TAAR5: variants seen among roughly 807,000 people sequenced by gnomAD.
TAAR5 encodes the protein trace amine associated receptor 5.
TAAR5 carries 27 observed loss-of-function variants against 21.1 expected under a neutral mutation model. The ratio of observed to expected loss-of-function variants is 1.28; its 90% CI spans 0.94 to 1.76. The LOEUF is 1.76. Among genes scored for constraint, TAAR5 ranks in the 40% most tolerant of loss-of-function variants. The pLI is 0.00. For missense variants in TAAR5, 495 were observed against 405.6 expected, an observed-to-expected ratio of 1.22 and a Z score of -1.89; for synonymous variants, 203 against 167.5, an observed-to-expected ratio of 1.21 and a Z score of -1.64.
upstream of TAAR5, among the ~76,000 whole-genome samples, chr6:132,590,997 C>T (rs1304143433): frequency 6.6e-6 from 1 of 152,116 alleles, no homozygotes; most frequent in Admixed American, 6.5e-5. Context: ...TGGTTTGTGA[C>T]TTCCACACAG....
upstream of TAAR5, among the ~76,000 whole-genome samples, chr6:132,592,671 T>A (rs1582728030): frequency 6.6e-6 from 1 of 152,208 alleles, no homozygotes; most frequent in African/African-American, 2.4e-5. Flanking sequence ...GCACCTCCCT[T>A]CTGCCTCTTC....
At chr6:132,602,708 G>A in the TAAR5 span, among the ~76,000 whole-genome samples, 6,097 of 146,888 alleles carry the variant, frequency 0.042, 262 homozygotes, top group African/African-American at 0.1. Flanking sequence ...CTTGGAATTA[G>A]GTATAGAAAA....
the TAAR5 span, among the ~76,000 whole-genome samples, chr6:132,603,878 T>C: frequency 6.6e-6 from 1 of 152,070 alleles, no homozygotes; most frequent in African/African-American, 2.4e-5. Context: ...AAATAAAATA[T>C]TAAGGGAATT....
At chr6:132,593,653 AAT>A (rs1474712367), upstream of TAAR5, among the ~76,000 whole-genome samples, 1 of 152,180 alleles carries the variant, frequency 6.6e-6, no homozygotes, top group Non-Finnish European at 1.5e-5. Flanking sequence ...GAGGATAATG[AAT>A]ATATGTACAC....
chr6:132,609,062 T>C, the TAAR5 span: 1 of 454,668 alleles, frequency 2.2e-6, no homozygotes, highest in Non-Finnish European at 4.4e-6. Flanking sequence ...GTGGTTGCCA[T>C]GGAGAGGATC....
At chr6:132,592,625 G>A (rs1776922876), upstream of TAAR5, among the ~76,000 whole-genome samples, 1 of 152,146 alleles carries the variant, frequency 6.6e-6, no homozygotes, top group Non-Finnish European at 1.5e-5. Flanking sequence ...GATAGTGAAT[G>A]AGTTATCATG....
rs145737701 is a variant in TAAR5 at position 132,589,486 on chromosome 6, C to T, written c.201G>A (p.Thr67=). 1.7e-4 allele frequency: 280 copies of T among 1,613,614 alleles called. No homozygotes were observed. Among genetic ancestry groups the T allele is most frequent in the Non-Finnish European group, 2.2e-4 (261 of 1,179,874 alleles). ...GGGAGAGCAGCAGGAAGTTGGTGGG[C>T]GTGTGAAGCGCTTTGAAGTAGGACA... ...FAVSYFKALH[T]PTNFLLLSLA... The change falls in exon 1 of 1, where the codon ACG becomes ACA. Residue 67 remains threonine, a synonymous_variant. Coordinates refer to ENST00000258034, the MANE Select transcript of TAAR5 (RefSeq NM_003967.3).
chr6:132,608,381 A>C, the TAAR5 span: 4 of 455,888 alleles, frequency 8.8e-6, no homozygotes, highest in Non-Finnish European at 1.3e-5. Flanking sequence ...GTAGAGTTGA[A>C]GTACCGGAGC....
chr6:132,599,412 T>C, the TAAR5 span, among the ~76,000 whole-genome samples: 3 of 147,118 alleles, frequency 2.0e-5, no homozygotes, highest in African/African-American at 7.6e-5. Flanking sequence ...TGCTGCAACC[T>C]TCACCTCCTG....
chr6:132,594,280 C>T (rs528062924), upstream of TAAR5: 6 of 152,162 alleles, frequency 3.9e-5, no homozygotes, highest in East Asian at 1.9e-4. Context: ...ATGTTCACTA[C>T]GCCAACTGGA....
the TAAR5 span, among the ~76,000 whole-genome samples, chr6:132,602,345 A>G: frequency 6.6e-6 from 1 of 152,280 alleles, no homozygotes; most frequent in Non-Finnish European, 1.5e-5. Context: ...TTGTTTTTCT[A>G]CAATTAGATG....
the TAAR5 span, among the ~76,000 whole-genome samples, chr6:132,598,064 G>T: frequency 2.5e-4 from 38 of 152,272 alleles, no homozygotes; most frequent in East Asian, 5.8e-3. Flanking sequence ...GAAAAAATTA[G>T]GGGAGGACGT....
chr6:132,595,487 T>C, the TAAR5 span: 1 of 152,198 alleles, frequency 6.6e-6, no homozygotes, highest in Non-Finnish European at 1.5e-5. Context: ...GCTGTGTTCC[T>C]CTCAGTTCTG....
chr6:132,596,094 A>G, the TAAR5 span, among the ~76,000 whole-genome samples: 1 of 152,204 alleles, frequency 6.6e-6, no homozygotes, highest in African/African-American at 2.4e-5. Flanking sequence ...AATCAAAAAT[A>G]TAAAGGAAAA....
At chr6:132,613,733 C>T in the TAAR5 span, among the ~76,000 whole-genome samples, 1 of 152,176 alleles carries the variant, frequency 6.6e-6, no homozygotes, top group African/African-American at 2.4e-5. Flanking sequence ...TTAATAGCAA[C>T]ACCAAGTTAG....
chr6:132,604,874 T>C, the TAAR5 span, among the ~76,000 whole-genome samples: 5 of 152,108 alleles, frequency 3.3e-5, no homozygotes, highest in East Asian at 1.9e-4. Flanking sequence ...GGGGCAGCAA[T>C]AGCAGGGAAC....
At chr6:132,614,267 C>T in the TAAR5 span, among the ~76,000 whole-genome samples, 2 of 152,144 alleles carry the variant, frequency 1.3e-5, no homozygotes, top group Non-Finnish European at 2.9e-5. Flanking sequence ...TGTTGAAATA[C>T]CTAACTACAT....
At position 132,588,952 on chromosome 6, in the gene TAAR5, C is replaced by T; in HGVS notation, c.735G>A (p.Lys245=). 1 of 1,614,096 alleles carries T rather than the reference C, an allele frequency of 6.2e-7. No individual in the cohort carries two copies. Among genetic ancestry groups the T allele is most frequent in the Middle Eastern group, 1.7e-4 (1 of 6,058 alleles). ...TLSKSLAGAA[K]HERKAAKTLG... is the part of the protein sequence containing the mutation. Reference sequence around the variant, plus strand: ...GGGTCTTGGCAGCTTTTCTCTCATGCTTGGCAGCCCCAGCCAGGCTTTTGC... The same window carrying T: ...GGGTCTTGGCAGCTTTTCTCTCATGTTTGGCAGCCCCAGCCAGGCTTTTGC... Residue 245 remains lysine, a synonymous_variant, in exon 1 of 1, where the codon AAG becomes AAA. Coordinates refer to ENST00000258034, the MANE Select transcript of TAAR5 (RefSeq NM_003967.3).
At chr6:132,595,484 T>G in the TAAR5 span, 1 of 152,186 alleles carries the variant, frequency 6.6e-6, no homozygotes, top group East Asian at 1.9e-4. Context: ...AGTGCTGTGT[T>G]CCTCTCAGTT....
Sources: gnomAD v4.1 joint callset for allele counts (sites outside exome capture counted in the v4.1 genomes callset) on GRCh38, gnomAD v4.1.1 for gene constraint, MANE v1.5 for transcripts, NCBI Gene and HGNC (gene_info 2026-07-23, HGNC 2026-07-21) for gene names.